Variants in KPNA1 observed in about 807,000 individuals in gnomAD.
KPNA1 encodes karyopherin subunit alpha 1.
KPNA1 carries 10 observed loss-of-function variants against 70.5 expected under a neutral mutation model. The observed-to-expected ratio is 0.14, with a 90% CI of 0.09 to 0.24. KPNA1 has a LOEUF of 0.24. Ranked by LOEUF, KPNA1 falls within the 10% of genes least tolerant of loss-of-function variation. The probability of loss-of-function intolerance (pLI) is 1.00; values close to 1 mark genes in which losing one functional copy is unlikely to be tolerated. For missense variants in KPNA1, 397 were observed against 637.9 expected, an observed-to-expected ratio of 0.62 and a Z score of 4.07; for synonymous variants, 192 against 221.9, an observed-to-expected ratio of 0.87 and a Z score of 1.20.
intron 5 of KPNA1, among the ~76,000 whole-genome samples, chr3:122,455,306 A>G (rs1216934872): frequency 6.6e-6 from 1 of 152,206 alleles, no homozygotes; most frequent in Non-Finnish European, 1.5e-5. Flanking sequence ...AGTGACATAC[A>G]TGAGTGAGGT....
Position 122,453,867 on chromosome 3 carries a change from T to C in KPNA1, c.564+3A>G. The C allele has an allele frequency of 6.3e-7, 1 of 1,590,782 alleles. No homozygotes were observed. On this transcript the variant is annotated splice_donor_region_variant and intron_variant, in intron 6 of 13. Coordinates refer to ENST00000344337, the MANE Select transcript of KPNA1 (RefSeq NM_002264.4). ...CACCTGCTTCTTTTTGTTTCATTTTTACCTGTTCCTGGACATCTTCAAACT... is the reference window on the plus strand; with the variant it reads ...CACCTGCTTCTTTTTGTTTCATTTTCACCTGTTCCTGGACATCTTCAAACT...
intron 12 of KPNA1, chr3:122,433,082 G>A (rs1170359422): frequency 6.6e-6 from 1 of 152,142 alleles, no homozygotes; most frequent in Non-Finnish European, 1.5e-5. Flanking sequence ...ATCTCAATCA[G>A]TCAATCACTA....
intron 9 of KPNA1, among the ~76,000 whole-genome samples, chr3:122,448,149 T>C (rs1012034522): frequency 1.3e-5 from 2 of 152,126 alleles, no homozygotes; most frequent in African/African-American, 4.8e-5. Flanking sequence ...ACATTGTTGG[T>C]GAGAGTGTAA....
intron 9 of KPNA1, among the ~76,000 whole-genome samples, chr3:122,444,987 G>A (rs906077085): frequency 5.3e-5 from 8 of 152,292 alleles, no homozygotes; most frequent in South Asian, 4.1e-4. Context: ...AAACCAGAGC[G>A]CCTGTTTTCC....
At chr3:122,433,607 G>C (rs1391827175) in intron 12 of KPNA1, 54 bp downstream of exon 12, 4 of 1,474,366 alleles carry the variant, frequency 2.7e-6, no homozygotes, top group Middle Eastern at 1.8e-4. Context: ...TAAAGTGATA[G>C]ACACAATAAT....
At chr3:122,479,453 G>A (rs1162434731) in intron 2 of KPNA1, among the ~76,000 whole-genome samples, 1 of 152,144 alleles carries the variant, frequency 6.6e-6, no homozygotes, top group Non-Finnish European at 1.5e-5. Context: ...CAGTTTAGCA[G>A]TCTGTTACAA....
At chr3:122,478,358 A>C (rs573180873) in intron 2 of KPNA1, among the ~76,000 whole-genome samples, 12 of 152,082 alleles carry the variant, frequency 7.9e-5, no homozygotes, top group African/African-American at 2.9e-4. Flanking sequence ...GCATTGGCTC[A>C]CACCTGTAAT....
intron 9 of KPNA1, among the ~76,000 whole-genome samples, chr3:122,444,455 T>A (rs2076108454): frequency 1.3e-5 from 2 of 152,214 alleles, no homozygotes; most frequent in South Asian, 4.1e-4. Flanking sequence ...ATCTTCACGA[T>A]TTATGTTCAG....
intron 3 of KPNA1, among the ~76,000 whole-genome samples, chr3:122,465,915 T>C (rs2076375054): frequency 6.6e-6 from 1 of 152,232 alleles, no homozygotes. Context: ...GATTTCACAC[T>C]TGCCAGCTCC....
Position 122,512,595 on chromosome 3 carries a change from G to A in KPNA1, c.-6+2162C>T, listed in dbSNP as rs144833746. Among the ~76,000 whole-genome samples the A allele has an allele frequency of 2.2e-3, 336 of 152,280 alleles. 2 individuals are homozygous for A. Among genetic ancestry groups the A allele is most frequent in the African/African-American group, 7.9e-3 (327 of 41,560 alleles). ...AAAAATTAGCCGAGTGTGGCCTCATGCCCCTGTAGTCCCAGCTACTCAGGC... is the reference window on the plus strand; with the variant it reads ...AAAAATTAGCCGAGTGTGGCCTCATACCCCTGTAGTCCCAGCTACTCAGGC... On this transcript the variant is annotated intron_variant, in intron 1 of 13. Coordinates refer to ENST00000344337, the MANE Select transcript of KPNA1 (RefSeq NM_002264.4).
intron 11 of KPNA1, 105 bp from the exon 12 acceptor site, chr3:122,433,893 T>C: frequency 1.2e-6 from 1 of 823,050 alleles, no homozygotes; most frequent in Non-Finnish European, 1.8e-6. Context: ...ACACCCCTTC[T>C]CCTGTCAGAA....
At chr3:122,491,116 C>T (rs537683561) in intron 2 of KPNA1, among the ~76,000 whole-genome samples, 1 of 152,318 alleles carries the variant, frequency 6.6e-6, no homozygotes, top group East Asian at 1.9e-4. Context: ...CAAACCAGGT[C>T]ACTTGTTTCC....
chr3:122,452,801 A>C (rs2076224159), intron 6 of KPNA1, among the ~76,000 whole-genome samples: 1 of 151,904 alleles, frequency 6.6e-6, no homozygotes, highest in African/African-American at 2.4e-5. Flanking sequence ...GAGAGAAAGA[A>C]AGACGGAAAG....
Position 122,437,111 on chromosome 3 carries a change from A to G in KPNA1, c.1122+59T>C, listed in dbSNP as rs1320076375. 6 of 1,569,370 alleles carry G rather than the reference A, an allele frequency of 3.8e-6. No individual in the cohort carries two copies. The East Asian group carries it at 1.4e-4, about 35-fold the overall frequency. ...AAATGTGTTTTAAAGGGTGACTGAG[A>G]AAAAAACCTTACTTTTCAATAAAAA... On this transcript the variant is annotated intron_variant, in intron 11 of 13. Transcript: ENST00000344337.
intron 11 of KPNA1, among the ~76,000 whole-genome samples, chr3:122,434,188 C>G (rs528156091): frequency 6.6e-6 from 1 of 152,180 alleles, no homozygotes; most frequent in Non-Finnish European, 1.5e-5. Flanking sequence ...CCACCCACCT[C>G]GGCCTCCCAA....
intron 2 of KPNA1, among the ~76,000 whole-genome samples, chr3:122,482,122 A>T (rs758573109): frequency 6.6e-6 from 1 of 152,286 alleles, no homozygotes; most frequent in Non-Finnish European, 1.5e-5. Context: ...CACAGATTGT[A>T]GTTACACAAA....
intron 1 of KPNA1, among the ~76,000 whole-genome samples, chr3:122,502,293 AC>A (rs1175633028): frequency 1.3e-5 from 2 of 152,178 alleles, no homozygotes; most frequent in African/African-American, 4.8e-5. Context: ...TTATGTTGAC[AC>A]CCTAACCACC....
chr3:122,427,653 C>G lies in KPNA1; in HGVS notation c.1314G>C (p.Lys438Asn). 1 of 1,614,138 alleles carries G rather than the reference C, an allele frequency of 6.2e-7. No homozygotes were observed. The highest frequency in any genetic ancestry group is 8.5e-7 in the Non-Finnish European group (1 of 1,180,004). Residue 438 changes from lysine to asparagine, a missense_variant, in exon 13 of 14, where the codon AAG becomes AAC. Lys to Asn is a moderately conservative substitution (Grantham distance 94). Coordinates refer to ENST00000344337, the MANE Select transcript of KPNA1 (RefSeq NM_002264.4). ...AGCCATTTAGGGCAACCTGTACAAT[C>G]TTAGAGTCCATGACCGTGAGGAGAT... The part of the protein sequence containing the change: ...LCDLLTVMDS[K>N]IVQVALNGLE...
chr3:122,427,224 G>C (rs1433927847), intron 13 of KPNA1, 52 bp from the exon 14 acceptor site: 8 of 1,317,996 alleles, frequency 6.1e-6, no homozygotes, highest in Non-Finnish European at 8.6e-6. Context: ...ATAAATATTG[G>C]AAATTCCATA....
Sources: gnomAD v4.1 joint callset for allele counts (sites outside exome capture counted in the v4.1 genomes callset) on GRCh38, gnomAD v4.1.1 for gene constraint, MANE v1.5 for transcripts, NCBI Gene and HGNC (gene_info 2026-07-23, HGNC 2026-07-21) for gene names.